The following ACBD3 variants were observed in gnomAD, a reference collection of about 807,000 sequenced individuals.
The protein encoded by ACBD3 is acyl-CoA binding domain containing 3.
ACBD3 carries 30 observed loss-of-function variants against 66.9 expected under a neutral mutation model. The observed-to-expected ratio is 0.45, with a 90% confidence interval of 0.34 to 0.61. ACBD3 has a LOEUF of 0.61. Among genes scored for constraint, ACBD3 ranks in the 20% least tolerant of loss-of-function variants. The pLI is 0.02. For missense variants in ACBD3, 544 were observed against 664.5 expected (o/e 0.82, Z 1.99); for synonymous variants, 278 against 259.8 (o/e 1.07, Z -0.68).
intron 5 of ACBD3, among the ~76,000 whole-genome samples, chr1:226,155,264 A>T (rs983054869): frequency 1.4e-4 from 21 of 152,114 alleles, no homozygotes; most frequent in Admixed American, 1.3e-3. Flanking sequence ...CTAAAAATAC[A>T]AAATTAGCTG....
intron 2 of ACBD3, 28 bp from the exon 3 acceptor site, chr1:226,164,957 T>TCCC: frequency 6.6e-7 from 1 of 1,511,806 alleles, no homozygotes. Flanking sequence ...AAAAGTTACC[T>TCCC]CCCCTTCTTA....
intron 4 of ACBD3, among the ~76,000 whole-genome samples, chr1:226,160,815 T>C (rs1659757234): frequency 6.6e-6 from 1 of 152,194 alleles, no homozygotes; most frequent in South Asian, 2.1e-4. Flanking sequence ...TAAGCAATAG[T>C]TGAAGCCTCC....
At chr1:226,185,398 G>T (rs952012136) in intron 1 of ACBD3, among the ~76,000 whole-genome samples, 1 of 152,118 alleles carries the variant, frequency 6.6e-6, no homozygotes, top group African/African-American at 2.4e-5. Context: ...ACTCCAAAAG[G>T]TACTCCCTCT....
intron 5 of ACBD3, among the ~76,000 whole-genome samples, chr1:226,158,413 C>G (rs963326065): frequency 6.6e-6 from 1 of 152,182 alleles, no homozygotes; most frequent in Non-Finnish European, 1.5e-5. Flanking sequence ...GTGTCTTCTA[C>G]AAGTACAAAA....
At chr1:226,159,459 A>AGT in intron 4 of ACBD3, 101 bp from the exon 5 acceptor site, 2 of 1,098,244 alleles carry the variant, frequency 1.8e-6, no homozygotes, top group Non-Finnish European at 2.6e-6. Flanking sequence ...GTAACTCTTA[A>AGT]AAACAACTAA....
At chr1:226,163,714 G>A (rs116550781) in intron 3 of ACBD3, among the ~76,000 whole-genome samples, 3 of 152,170 alleles carry the variant, frequency 2.0e-5, no homozygotes, top group East Asian at 1.9e-4. Context: ...TATAATTCTC[G>A]TGTCTATTTT....
intron 1 of ACBD3, 129 bp downstream of exon 1, chr1:226,186,261 C>T (rs1419807703): frequency 1.6e-6 from 2 of 1,222,768 alleles, no homozygotes; most frequent in South Asian, 4.3e-5. Flanking sequence ...GAGGGAACCC[C>T]GCTTGAGTCA....
intron 6 of ACBD3, among the ~76,000 whole-genome samples, chr1:226,154,395 G>T (rs1012889613): frequency 2.6e-5 from 4 of 151,794 alleles, no homozygotes; most frequent in Non-Finnish European, 5.9e-5. Context: ...TGCAGCAATA[G>T]ATAATTTATA....
Position 226,164,789 on chromosome 1 carries a change from C to CTTTTTTTTT in ACBD3, c.560_568dup (p.Lys189_Arg190insLysLysLys). 1 of 1,596,254 alleles carries CTTTTTTTTT rather than the reference C, an allele frequency of 6.3e-7. No individual in the cohort carries two copies. The highest frequency in any genetic ancestry group is 8.5e-7 in the Non-Finnish European group (1 of 1,170,270). Reference sequence around the variant, plus strand: ...AGTATTCCATGCCCTCAAACTTCACCTTTTTTTTTCTTGCTCTTCCTTCTC... The same window carrying CTTTTTTTTT: ...AGTATTCCATGCCCTCAAACTTCACCTTTTTTTTTTTTTTTTTTCTTGCTCTTCCTTCTC... On this transcript the variant is annotated inframe_insertion and splice_region_variant, in exon 3 of 8. Coordinates refer to ENST00000366812, the MANE Select transcript of ACBD3 (RefSeq NM_022735.4).
intron 1 of ACBD3, among the ~76,000 whole-genome samples, chr1:226,184,007 C>T (rs1248662138): frequency 4.0e-5 from 6 of 151,262 alleles, no homozygotes; most frequent in East Asian, 1.9e-4. Context: ...CTGGCTAACA[C>T]GGTGAAACCT....
At chr1:226,184,393 T>C (rs941834370) in intron 1 of ACBD3, among the ~76,000 whole-genome samples, 1 of 152,184 alleles carries the variant, frequency 6.6e-6, no homozygotes, top group Non-Finnish European at 1.5e-5. Flanking sequence ...TTTGAGAACT[T>C]CATTTAGGAA....
chr1:226,171,738 A>G (rs923863053), intron 1 of ACBD3, among the ~76,000 whole-genome samples: 1 of 143,728 alleles, frequency 7.0e-6, no homozygotes, highest in African/African-American at 2.6e-5. Context: ...GGGTTTCACC[A>G]TGTTGGGTTG....
chr1:226,153,887 G>A (rs78442560), intron 6 of ACBD3, among the ~76,000 whole-genome samples: 4,638 of 152,222 alleles, frequency 0.03, 219 homozygotes, highest in African/African-American at 0.1. Context: ...AACAGAATAT[G>A]GTGGGAGTTC....
intron 1 of ACBD3, among the ~76,000 whole-genome samples, chr1:226,171,964 T>C (rs974448953): frequency 1.3e-5 from 2 of 151,416 alleles, no homozygotes; most frequent in African/African-American, 4.8e-5. Flanking sequence ...GAGATCAGCC[T>C]GACTAACATG....
chr1:226,181,056 A>C (rs1449721434), intron 1 of ACBD3, among the ~76,000 whole-genome samples: 1 of 151,978 alleles, frequency 6.6e-6, no homozygotes, highest in Non-Finnish European at 1.5e-5. Context: ...GAATCCAGTC[A>C]AAGGAAAGTT....
chr1:226,164,695 C>A (rs1456794465), intron 3 of ACBD3, 94 bp downstream of exon 3: 52 of 1,334,772 alleles, frequency 3.9e-5, no homozygotes, highest in Non-Finnish European at 5.0e-5. Flanking sequence ...AAGCAAGACA[C>A]CTGATCTAGA....
chr1:226,152,729 T>C, intron 6 of ACBD3, 110 bp from the exon 7 acceptor site: 1 of 1,062,984 alleles, frequency 9.4e-7, no homozygotes, highest in Non-Finnish European at 1.4e-6. Flanking sequence ...AAGTACAATA[T>C]GGTCTAGCTT....
intron 1 of ACBD3, among the ~76,000 whole-genome samples, chr1:226,173,260 G>A (rs1408572733): frequency 6.6e-6 from 1 of 152,162 alleles, no homozygotes; most frequent in Non-Finnish European, 1.5e-5. Flanking sequence ...GACAGAGTGA[G>A]ACCCTGTCTC....
At chr1:226,161,471 T>C in intron 4 of ACBD3, 60 bp downstream of exon 4, 3 of 1,601,734 alleles carry the variant, frequency 1.9e-6, no homozygotes, top group Non-Finnish European at 8.5e-7. Flanking sequence ...TCATTTCTTA[T>C]TTTTATTCTA....
Sources: allele counts gnomAD v4.1 joint callset (sites outside exome capture counted in the v4.1 genomes callset), GRCh38; gene constraint gnomAD v4.1.1; transcripts MANE v1.5; gene names NCBI Gene and HGNC (gene_info 2026-07-23, HGNC 2026-07-21).